The following CDH13 variants were observed in gnomAD, a reference collection of about 807,000 sequenced individuals.
The protein encoded by CDH13 is cadherin 13.
In CDH13, 24 loss-of-function variants were observed where a neutral mutation model predicts 63.8. That is an observed-to-expected ratio of 0.38 (90% confidence interval 0.27 to 0.53). The LOEUF is 0.53. Ranked by LOEUF, CDH13 falls within the 20% of genes least tolerant of loss-of-function variation. The pLI is 0.85. For synonymous variants in CDH13, 503 were observed against 355.3 expected, an observed-to-expected ratio of 1.42 and a Z score of -4.67; for missense variants, 1,049 against 903.1, an observed-to-expected ratio of 1.16 and a Z score of -2.07.
At position 83,798,834 on chromosome 16, in the gene CDH13, C is replaced by T. The variant is rs1024019936; in HGVS notation, c.*3804C>T. ...ATCTTCTGTTACCTATTATTAAGTT[C>T]ATGCTATACTTCTTCAATCTGAAAG... On this transcript the variant is annotated 3_prime_UTR_variant, in exon 14 of 14. Coordinates refer to ENST00000567109, the MANE Select transcript of CDH13 (RefSeq NM_001257.5). 2 of 151,452 alleles carry T rather than the reference C, an allele frequency of 1.3e-5. No individual in the cohort carries two copies. Among genetic ancestry groups the T allele is most frequent in the African/African-American group, 4.9e-5 (2 of 41,056 alleles). 9.4% of individuals were successfully genotyped at this position (151,452 alleles called of 1,614,324 possible). A position where few individuals can be genotyped will look rare whatever the true frequency, so the allele number is the denominator to read the frequency against.
chr16:83,505,416 C>T (rs1218551392), intron 7 of CDH13, among the ~76,000 whole-genome samples: 3 of 152,098 alleles, frequency 2.0e-5, no homozygotes, highest in Non-Finnish European at 4.4e-5. Context: ...TCCCAGCCAG[C>T]CTGATAATGA....
At chr16:83,440,661 C>CCGACGG (rs1483842848) in intron 6 of CDH13, among the ~76,000 whole-genome samples, 1 of 151,808 alleles carries the variant, frequency 6.6e-6, no homozygotes, top group African/African-American at 2.4e-5. Context: ...GGCGCACACC[C>CCGACGG]GTCGTCCCAG....
At chr16:83,337,116 A>G (rs755792416) in intron 5 of CDH13, among the ~76,000 whole-genome samples, 18 of 152,204 alleles carry the variant, frequency 1.2e-4, no homozygotes, top group Non-Finnish European at 1.0e-4. Context: ...GATTCTTTTC[A>G]AAGCATTTTA....
intron 9 of CDH13, among the ~76,000 whole-genome samples, chr16:83,672,229 G>A (rs1421913587): frequency 6.6e-6 from 1 of 151,990 alleles, no homozygotes; most frequent in Non-Finnish European, 1.5e-5. Context: ...ATGAAGTACT[G>A]TAGGCTGGTG....
intron 4 of CDH13, among the ~76,000 whole-genome samples, chr16:83,216,760 G>A (rs2039546092): frequency 6.8e-6 from 1 of 147,544 alleles, no homozygotes; most frequent in Non-Finnish European, 1.5e-5. Flanking sequence ...AATATTTAGG[G>A]GTTATATACA....
chr16:83,685,693 C>T (rs1285438607), intron 10 of CDH13, among the ~76,000 whole-genome samples: 2 of 152,176 alleles, frequency 1.3e-5, no homozygotes, highest in Non-Finnish European at 2.9e-5. Context: ...TAAATTGCTT[C>T]CTTGGGAACT....
chr16:83,513,933 G>A (rs1037913449), intron 7 of CDH13, among the ~76,000 whole-genome samples: 3 of 152,230 alleles, frequency 2.0e-5, no homozygotes, highest in Admixed American at 2.0e-4. Context: ...AAAAAGTAAG[G>A]GGTTATTTTG....
intron 5 of CDH13, among the ~76,000 whole-genome samples, chr16:83,221,852 A>G (rs961373341): frequency 3.3e-5 from 5 of 152,106 alleles, no homozygotes; most frequent in African/African-American, 1.2e-4. Flanking sequence ...AGAAGAGGCA[A>G]AACTAACTTT....
intron 6 of CDH13, among the ~76,000 whole-genome samples, chr16:83,461,118 T>A (rs2073170434): frequency 2.0e-5 from 3 of 152,144 alleles, no homozygotes; most frequent in Admixed American, 2.0e-4. Context: ...CGTAATGTGA[T>A]ATTTCTTAAG....
chr16:82,839,036 T>C (rs1190911875), intron 1 of CDH13, among the ~76,000 whole-genome samples: 3 of 152,230 alleles, frequency 2.0e-5, no homozygotes, highest in African/African-American at 7.2e-5. Context: ...ATGAGCATGG[T>C]TGTGTTCCAA....
intron 8 of CDH13, among the ~76,000 whole-genome samples, chr16:83,659,008 T>C: frequency 7.3e-6 from 1 of 137,212 alleles, no homozygotes; most frequent in Non-Finnish European, 1.6e-5. Context: ...TCCCATGTCC[T>C]CACCACCAGG....
intron 8 of CDH13, among the ~76,000 whole-genome samples, chr16:83,653,515 C>G (rs1912584111): frequency 6.6e-6 from 1 of 151,548 alleles, no homozygotes; most frequent in South Asian, 2.1e-4. Flanking sequence ...AAAAAAAACT[C>G]ACAAAAGCTG....
At chr16:83,003,181 A>G (rs975853433) in intron 2 of CDH13, among the ~76,000 whole-genome samples, 1 of 152,168 alleles carries the variant, frequency 6.6e-6, no homozygotes, top group Non-Finnish European at 1.5e-5. Flanking sequence ...CCCATATGAC[A>G]GTCTTGATAA....
At chr16:83,630,867 G>A (rs1177772699) in intron 8 of CDH13, among the ~76,000 whole-genome samples, 6 of 152,158 alleles carry the variant, frequency 3.9e-5, no homozygotes, top group Non-Finnish European at 8.8e-5. Flanking sequence ...ATGGGAGCAG[G>A]TTTGCCTCCC....
intron 2 of CDH13, among the ~76,000 whole-genome samples, chr16:82,972,292 G>A (rs888619000): frequency 6.6e-6 from 1 of 152,186 alleles, no homozygotes; most frequent in African/African-American, 2.4e-5. Context: ...TCAGTGGAGA[G>A]TCTGGGTGTG....
chr16:83,484,704 TCTC>T (rs1197140910), intron 6 of CDH13, among the ~76,000 whole-genome samples: 1 of 152,222 alleles, frequency 6.6e-6, no homozygotes, highest in Non-Finnish European at 1.5e-5. Context: ...AGGGAGAAGT[TCTC>T]CTTATAGAGT....
At chr16:83,771,150 G>A (rs1335241615) in intron 11 of CDH13, among the ~76,000 whole-genome samples, 5 of 152,058 alleles carry the variant, frequency 3.3e-5, no homozygotes, top group East Asian at 1.9e-4. Flanking sequence ...ACAGGTGCTC[G>A]ATTCCTCTAC....
At chr16:83,259,646 TTTTTA>T (rs920107023) in intron 5 of CDH13, among the ~76,000 whole-genome samples, 8 of 152,290 alleles carry the variant, frequency 5.3e-5, no homozygotes, top group Non-Finnish European at 1.0e-4. Context: ...CTCAAATTTT[TTTTTA>T]TTTTATTATT....
intron 5 of CDH13, among the ~76,000 whole-genome samples, chr16:83,323,819 A>G (rs1344041312): frequency 6.6e-6 from 1 of 152,090 alleles, no homozygotes; most frequent in Non-Finnish European, 1.5e-5. Context: ...TCTTTAGTAC[A>G]TTCTTTCTAC....
Sources: allele counts gnomAD v4.1 joint callset (sites outside exome capture counted in the v4.1 genomes callset), GRCh38; gene constraint gnomAD v4.1.1; transcripts MANE v1.5; gene names NCBI Gene and HGNC (gene_info 2026-07-23, HGNC 2026-07-21).